The following PARD3 variants were observed in gnomAD, a reference collection of about 807,000 sequenced individuals.
PARD3 encodes partitioning defective 3 homolog.
PARD3 carries 75 observed loss-of-function variants against 155.4 expected under a neutral mutation model. That is an observed-to-expected ratio of 0.48 (90% CI 0.40 to 0.58). The LOEUF (loss-of-function observed/expected upper bound fraction) is 0.58, where lower values mean the gene tolerates loss of function less well. Among genes scored for constraint, PARD3 ranks in the 20% least tolerant of loss-of-function variants. The probability of loss-of-function intolerance (pLI) is 0.00; values close to 1 mark genes in which losing one functional copy is unlikely to be tolerated. For synonymous variants in PARD3, 576 were observed against 610.5 expected, an observed-to-expected ratio of 0.94 and a Z score of 0.83; for missense variants, 1,642 against 1,721.7, an observed-to-expected ratio of 0.95 and a Z score of 0.82.
chr10:34,352,074 C>CT (rs1330626260), intron 14 of PARD3, among the ~76,000 whole-genome samples: 11 of 152,204 alleles, frequency 7.2e-5, no homozygotes, highest in African/African-American at 2.2e-4. Context: ...GCGATATTCT[C>CT]TACTGGCACT....
chr10:34,452,056 C>A (rs1014687127), intron 4 of PARD3, among the ~76,000 whole-genome samples: 1 of 151,852 alleles, frequency 6.6e-6, no homozygotes, highest in Non-Finnish European at 1.5e-5. Context: ...AGTGACAGAA[C>A]CTTATGTGTC....
chr10:34,275,339 T>G (rs951972340), intron 21 of PARD3, among the ~76,000 whole-genome samples: 1 of 152,218 alleles, frequency 6.6e-6, no homozygotes, highest in Admixed American at 6.5e-5. Flanking sequence ...AGCATACGTG[T>G]GGTCCACCAG....
At chr10:34,763,482 T>TA (rs1341822805) in intron 1 of PARD3, among the ~76,000 whole-genome samples, 1 of 152,156 alleles carries the variant, frequency 6.6e-6, no homozygotes, top group Non-Finnish European at 1.5e-5. Context: ...TCATTCCCTG[T>TA]ATCATTGCAA....
At chr10:34,275,324 A>C (rs1955822616) in intron 21 of PARD3, among the ~76,000 whole-genome samples, 1 of 152,206 alleles carries the variant, frequency 6.6e-6, no homozygotes, top group African/African-American at 2.4e-5. Context: ...TTAGAATAAA[A>C]CTATAGCATA....
chr10:34,468,505 T>C (rs1564747050), intron 4 of PARD3, among the ~76,000 whole-genome samples: 1 of 152,192 alleles, frequency 6.6e-6, no homozygotes, highest in Non-Finnish European at 1.5e-5. Flanking sequence ...AAAAAAAGAT[T>C]AACTGCCATG....
intron 4 of PARD3, among the ~76,000 whole-genome samples, chr10:34,450,748 G>A (rs1044361406): frequency 3.3e-5 from 5 of 152,038 alleles, no homozygotes; most frequent in African/African-American, 4.8e-5. Flanking sequence ...AACCAAGTAC[G>A]TACACCAAAA....
At chr10:34,232,988 C>T (rs1334716285) in intron 22 of PARD3, among the ~76,000 whole-genome samples, 1 of 151,654 alleles carries the variant, frequency 6.6e-6, no homozygotes, top group Non-Finnish European at 1.5e-5. Flanking sequence ...AGGCCTGAGC[C>T]ACCGTGCCCG....
At chr10:34,366,954 A>G (rs1276270384) in intron 12 of PARD3, among the ~76,000 whole-genome samples, 13 of 152,198 alleles carry the variant, frequency 8.5e-5, no homozygotes, top group Non-Finnish European at 4.4e-5. Flanking sequence ...ATCTGGCTTT[A>G]TAATGCCTTT....
rs1205956266 is a variant in PARD3, at chr10:34,470,167, C to T, written c.500G>A (p.Arg167Lys). 2.5e-6 allele frequency: 4 copies of T among 1,613,260 alleles called. No individual in the cohort carries two copies. The highest frequency in any genetic ancestry group is 3.4e-6 in the Non-Finnish European group (4 of 1,179,738). The change falls in exon 4 of 25, where the codon AGG (arginine) becomes AAG (lysine). Residue 167 changes from arginine to lysine, a missense_variant. Transcript: ENST00000374788. ...DSNFSSEEPSRKNPTRWSTTA... is the reference protein window; with the variant it reads ...DSNFSSEEPSKKNPTRWSTTA... ...TGTTGACCAGCGTGTGGGATTTTTC[C>T]TTGAAGGCTCTTCAGAGGAAAAATT...
chr10:34,740,009 T>G (rs1254812218), intron 1 of PARD3, among the ~76,000 whole-genome samples: 1 of 152,052 alleles, frequency 6.6e-6, no homozygotes, highest in Non-Finnish European at 1.5e-5. Flanking sequence ...AGCGACTCCG[T>G]GCAAGTTCAT....
intron 1 of PARD3, among the ~76,000 whole-genome samples, chr10:34,755,246 TAA>T (rs376176701): frequency 3.7e-5 from 5 of 135,630 alleles, no homozygotes; most frequent in Admixed American, 7.5e-5. Context: ...TACTAAAAAT[TAA>T]AAAAAAAAAA....
chr10:34,666,263 T>C (rs573783591), intron 2 of PARD3, among the ~76,000 whole-genome samples: 13 of 150,386 alleles, frequency 8.6e-5, no homozygotes, highest in Middle Eastern at 3.2e-3. Flanking sequence ...CATTTAAGTA[T>C]AGAAGGTATA....
At chr10:34,168,688 T>C (rs1307784020) in intron 22 of PARD3, among the ~76,000 whole-genome samples, 2 of 152,314 alleles carry the variant, frequency 1.3e-5, no homozygotes, top group East Asian at 3.9e-4. Flanking sequence ...TCAACAGCTG[T>C]GTCCTGATGT....
At chr10:34,234,695 A>C (rs926843110) in intron 22 of PARD3, among the ~76,000 whole-genome samples, 2 of 152,094 alleles carry the variant, frequency 1.3e-5, no homozygotes, top group Non-Finnish European at 2.9e-5. Flanking sequence ...TTTTTAGTTA[A>C]CTCCCATCCC....
chr10:34,238,299 T>C (rs931170090), intron 22 of PARD3, among the ~76,000 whole-genome samples: 6 of 152,192 alleles, frequency 3.9e-5, no homozygotes, highest in Non-Finnish European at 8.8e-5. Flanking sequence ...AGGCTATAAA[T>C]GTGCTCACTT....
rs139550735 is a variant in PARD3, at chr10:34,382,585, T to C, written c.1354A>G (p.Asn452Asp). ...VFSTTVSSGY[N>D]TKKIGKRLNI... is the part of the protein sequence containing the mutation. ...AGCCTCTTGCCTATTTTTTTGGTGT[T>C]ATAACCACTGCTTACAGTCGTACTA... The change falls in exon 9 of 25, where the codon AAC becomes GAC. Residue 452 changes from asparagine (N) to aspartate (D), a missense_variant. Asn to Asp is a conservative substitution (Grantham distance 23). Transcript: ENST00000374788. 3,032 of 1,613,822 alleles carry C rather than the reference T, an allele frequency of 1.9e-3. 5 individuals carry two copies. Among genetic ancestry groups the C allele is most frequent in the Non-Finnish European group, 2.4e-3 (2,828 of 1,180,012 alleles).
At chr10:34,167,678 G>A (rs1660623) in intron 22 of PARD3, among the ~76,000 whole-genome samples, 36,850 of 151,880 alleles carry the variant, frequency 0.24, 4,660 homozygotes, top group Middle Eastern at 0.37. Context: ...ATAGAAAAAC[G>A]TTTTGCTTAA....
chr10:34,413,144 T>C (rs12269020), intron 5 of PARD3, among the ~76,000 whole-genome samples: 48,570 of 145,946 alleles, frequency 0.33, 11,998 homozygotes, highest in African/African-American at 0.71. Context: ...CAGATATATA[T>C]ACACACACAC....
At chr10:34,522,243 C>T (rs183876180) in intron 2 of PARD3, among the ~76,000 whole-genome samples, 1 of 152,276 alleles carries the variant, frequency 6.6e-6, no homozygotes, top group Non-Finnish European at 1.5e-5. Context: ...CTACACTGCC[C>T]ACCTTGAAGA....
Sources: allele counts gnomAD v4.1 joint callset (sites outside exome capture counted in the v4.1 genomes callset), GRCh38; gene constraint gnomAD v4.1.1; transcripts MANE v1.5; gene names NCBI Gene and HGNC (gene_info 2026-07-23, HGNC 2026-07-21).